Variants in COPG2 observed in about 807,000 individuals in gnomAD.
COPG2 encodes coatomer subunit gamma-2.
COPG2 carries 37 observed loss-of-function variants against 46.3 expected under a neutral mutation model. The ratio of observed to expected loss-of-function variants is 0.80; its 90% CI spans 0.61 to 1.05. COPG2 has a LOEUF of 1.05. COPG2 is among the 50% of genes least tolerant of loss of function. The pLI is 0.00. For synonymous variants in COPG2, 159 were observed against 129.7 expected (o/e 1.23, Z -1.53); for missense variants, 427 against 387.8 (o/e 1.10, Z -0.85).
intron 20 of COPG2, among the ~76,000 whole-genome samples, chr7:130,513,998 C>G (rs947144919): frequency 6.6e-6 from 1 of 152,066 alleles, no homozygotes. Flanking sequence ...AGTAGGTAAG[C>G]GTAGGTGGAG....
chr7:130,652,875 G>C lies in COPG2; in HGVS notation c.317C>G (p.Thr106Arg). The change falls in exon 5 of 24, where the codon ACA becomes AGA. Residue 106 changes from threonine to arginine, a missense_variant. By Grantham distance (71) the Thr-to-Arg change is moderately conservative. Coordinates refer to ENST00000425248, the MANE Select transcript of COPG2 (RefSeq NM_012133.6). ...ATISEDVIIVTSSLTKDMTGK... is the reference protein window; with the variant it reads ...ATISEDVIIVRSSLTKDMTGK... ...ATTTTGACCATTTACATACCTGCTTGTGACAATTATCACATCCTCAGAGAT... is the reference window on the plus strand; with the variant it reads ...ATTTTGACCATTTACATACCTGCTTCTGACAATTATCACATCCTCAGAGAT... 1.3e-6 allele frequency: 2 copies of C among 1,596,362 alleles called. No individual in the cohort carries two copies. The highest frequency in any genetic ancestry group is 1.1e-5 in the South Asian group (1 of 88,874).
chr7:130,591,495 G>A (rs1181262816), intron 9 of COPG2, among the ~76,000 whole-genome samples: 3 of 94,334 alleles, frequency 3.2e-5, no homozygotes, highest in South Asian at 4.4e-4. Context: ...CCCCCCGCCC[G>A]GCCAGCCGCC....
At chr7:130,614,611 C>G (rs1371933850) in intron 6 of COPG2, among the ~76,000 whole-genome samples, 3 of 152,150 alleles carry the variant, frequency 2.0e-5, no homozygotes, top group African/African-American at 7.2e-5. Context: ...AAACACCTGA[C>G]TCAGACACAG....
At chr7:130,615,318 A>C (rs1279145716) in intron 6 of COPG2, among the ~76,000 whole-genome samples, 5 of 152,230 alleles carry the variant, frequency 3.3e-5, no homozygotes, top group Admixed American at 3.3e-4. Flanking sequence ...TTATAATCAG[A>C]AAGTTATATG....
chr7:130,539,394 T>C (rs1427154653), intron 20 of COPG2, among the ~76,000 whole-genome samples: 1 of 152,002 alleles, frequency 6.6e-6, no homozygotes, highest in Non-Finnish European at 1.5e-5. Flanking sequence ...AAAGGCAGCC[T>C]AAGGGAAGGC....
At chr7:130,593,937 G>A (rs1554449363) in intron 9 of COPG2, among the ~76,000 whole-genome samples, 1 of 152,070 alleles carries the variant, frequency 6.6e-6, no homozygotes. Flanking sequence ...TGATAAATGT[G>A]ACTACCTTAC....
At chr7:130,604,735 G>A in intron 9 of COPG2, 1 of 516,494 alleles carries the variant, frequency 1.9e-6, no homozygotes, top group Non-Finnish European at 3.9e-6. Context: ...AGGCATTTTT[G>A]TCTGTCTCAT....
Position 130,554,510 on chromosome 7 carries a change from A to G in COPG2, c.1439T>C (p.Val480Ala), listed in dbSNP as rs1327992666. The G allele has an allele frequency of 3.5e-5, 14 of 398,500 alleles. No individual in the cohort carries two copies. The highest frequency in any genetic ancestry group is 6.2e-5 in the Non-Finnish European group (14 of 226,088). The allele number at this position is 398,500 out of a possible 1,614,324, so 24.7% of individuals were successfully genotyped here. ...TCTGACAGCCTCATTCTCCAGGACA[A>G]CCCTATTAAAAATAAAACGGATATA... ...SKYIRFIFNRVVLENEAVRAA... is the reference protein window; with the variant it reads ...SKYIRFIFNRAVLENEAVRAA... The change falls in exon 14 of 24, where the codon GTT becomes GCT. Residue 480 changes from valine to alanine, a missense_variant. Val to Ala is a moderately conservative substitution (Grantham distance 64). Coordinates refer to ENST00000425248, the MANE Select transcript of COPG2 (RefSeq NM_012133.6).
chr7:130,553,251 A>C (rs1793561342), intron 14 of COPG2, among the ~76,000 whole-genome samples: 1 of 152,202 alleles, frequency 6.6e-6, no homozygotes, highest in Non-Finnish European at 1.5e-5. Flanking sequence ...CAATAAAACA[A>C]AATTAGGGTA....
chr7:130,611,137 A>T, intron 8 of COPG2, 27 bp from the exon 9 acceptor site: 7 of 1,593,796 alleles, frequency 4.4e-6, no homozygotes, highest in Non-Finnish European at 6.0e-6. Context: ...AGAAGGTAGC[A>T]CATGGATTAG....
intron 20 of COPG2, among the ~76,000 whole-genome samples, chr7:130,514,842 CCA>C (rs1284856894): frequency 6.6e-6 from 1 of 152,106 alleles, no homozygotes; most frequent in Non-Finnish European, 1.5e-5. Flanking sequence ...GACCACAGCG[CCA>C]TAAAGATGCC....
At chr7:130,610,742 G>A in intron 9 of COPG2, 1 of 655,454 alleles carries the variant, frequency 1.5e-6, no homozygotes, top group Non-Finnish European at 2.7e-6. Context: ...TTGTTAATGT[G>A]CTATTAATAA....
chr7:130,634,104 G>A lies in COPG2; in HGVS notation c.324-17039C>T, dbSNP rs143149800. 4.5e-3 allele frequency among the ~76,000 whole-genome samples: 689 copies of A among 152,276 alleles called. 22 individuals carry two copies. The highest frequency in any genetic ancestry group is 0.042 in the Admixed American group (638 of 15,298). Reference sequence around the variant, plus strand: ...GTATCTGTTTTGATACCAGTATCACGCTGTTTTGGTTACTGTATCCTTGTA... The same window carrying A: ...GTATCTGTTTTGATACCAGTATCACACTGTTTTGGTTACTGTATCCTTGTA... On this transcript the variant is annotated intron_variant, in intron 5 of 23. Transcript: ENST00000425248.
Position 130,618,241 on chromosome 7 carries a change from G to A in COPG2, c.324-1176C>T, listed in dbSNP as rs188565593. 5.3e-3 allele frequency among the ~76,000 whole-genome samples: 810 copies of A among 151,786 alleles called. 8 individuals are homozygous for A. Among genetic ancestry groups the A allele is most frequent in the Admixed American group, 8.6e-3 (131 of 15,228 alleles). ...TTTCCGGATTTCCAAGAGGATCTAT[G>A]AACTAGATTCTACTGCCAGCAATGG... is the stretch of plus-strand genomic sequence containing the variant. On this transcript the variant is annotated intron_variant, in intron 5 of 23. Coordinates refer to ENST00000425248, the MANE Select transcript of COPG2 (RefSeq NM_012133.6).
In COPG2 at chr7:130,615,248, T is replaced by C. The variant is rs13308984; in HGVS notation, c.400-1612A>G. 6.6e-5 allele frequency among the ~76,000 whole-genome samples: 10 copies of C among 152,360 alleles called. 1 individual carries two copies. In the South Asian group the frequency reaches 1.9e-3, roughly 28 times the overall value. On this transcript the variant is annotated intron_variant, in intron 6 of 23. Coordinates refer to ENST00000425248, the MANE Select transcript of COPG2 (RefSeq NM_012133.6). ...ATGCCAGTGCATTCTTTTATACTTATAGCCACCAAGTGAACTGGATTATCG... is the reference window on the plus strand; with the variant it reads ...ATGCCAGTGCATTCTTTTATACTTACAGCCACCAAGTGAACTGGATTATCG...
intron 9 of COPG2, among the ~76,000 whole-genome samples, chr7:130,597,096 A>G (rs1794543310): frequency 6.6e-6 from 1 of 152,124 alleles, no homozygotes; most frequent in African/African-American, 2.4e-5. Context: ...GGGGAACCAA[A>G]TGGGACACCA....
chr7:130,618,803 A>G (rs1167172668), intron 5 of COPG2, among the ~76,000 whole-genome samples: 1 of 152,168 alleles, frequency 6.6e-6, no homozygotes, highest in Non-Finnish European at 1.5e-5. Context: ...TTAATAAATA[A>G]TTCATGACAG....
At chr7:130,560,744 T>C (rs1793705651) in intron 12 of COPG2, among the ~76,000 whole-genome samples, 1 of 152,296 alleles carries the variant, frequency 6.6e-6, no homozygotes, top group Non-Finnish European at 1.5e-5. Flanking sequence ...TATGGTGGAA[T>C]ACAGTAGATA....
intron 20 of COPG2, among the ~76,000 whole-genome samples, chr7:130,540,076 G>A (rs1041444199): frequency 0.36 from 53,890 of 151,352 alleles, 11,219 homozygotes; most frequent in African/African-American, 0.57. Context: ...GATTTGGGTT[G>A]GGACTGACTG....
Sources: gnomAD v4.1 joint callset for allele counts (sites outside exome capture counted in the v4.1 genomes callset) on GRCh38, gnomAD v4.1.1 for gene constraint, MANE v1.5 for transcripts, NCBI Gene and HGNC (gene_info 2026-07-23, HGNC 2026-07-21) for gene names.